NFIC: variants seen among roughly 807,000 people sequenced by gnomAD.
The protein encoded by NFIC is nuclear factor 1 C-type.
A neutral mutation model predicts 54.4 loss-of-function variants in NFIC; 12 were observed. That is an observed-to-expected ratio of 0.22 (90% CI 0.14 to 0.36). The LOEUF is 0.36. Among genes scored for constraint, NFIC ranks in the 10% least tolerant of loss-of-function variants. The probability of loss-of-function intolerance (pLI) is 1.00; values close to 1 mark genes in which losing one functional copy is unlikely to be tolerated. For synonymous variants in NFIC, 322 were observed against 319.2 expected, an observed-to-expected ratio of 1.01 and a Z score of -0.09; for missense variants, 575 against 718.2, an observed-to-expected ratio of 0.80 and a Z score of 2.28.
At chr19:3,394,523 A>T (rs57097974) in intron 2 of NFIC, among the ~76,000 whole-genome samples, 2 of 51,140 alleles carry the variant, frequency 3.9e-5, no homozygotes, top group African/African-American at 2.6e-4. Flanking sequence ...TTCCCCACCC[A>T]CCCCCCACCC....
chr19:3,455,892 C>G (rs1242685682), intron 9 of NFIC, among the ~76,000 whole-genome samples: 2 of 152,154 alleles, frequency 1.3e-5, no homozygotes, highest in Non-Finnish European at 2.9e-5. Flanking sequence ...CAAATCTACT[C>G]CTACTTCTCC....
chr19:3,434,787 G>A (rs1212062377), intron 5 of NFIC, among the ~76,000 whole-genome samples: 1 of 152,196 alleles, frequency 6.6e-6, no homozygotes, highest in African/African-American at 2.4e-5. Context: ...GAGGACTACA[G>A]GTGGCCAGGA....
intron 6 of NFIC, among the ~76,000 whole-genome samples, chr19:3,438,688 C>T (rs1048422335): frequency 3.9e-5 from 6 of 152,102 alleles, no homozygotes; most frequent in African/African-American, 7.2e-5. Flanking sequence ...CCGCCCATCT[C>T]GGCCTCCCAA....
At chr19:3,428,644 C>A (rs1188001867) in intron 3 of NFIC, among the ~76,000 whole-genome samples, 3 of 152,032 alleles carry the variant, frequency 2.0e-5, no homozygotes, top group Non-Finnish European at 4.4e-5. Flanking sequence ...CTCCTGTGAT[C>A]CCCAGACGCC....
intron 6 of NFIC, among the ~76,000 whole-genome samples, chr19:3,438,355 G>T (rs1056490850): frequency 6.6e-6 from 1 of 151,866 alleles, no homozygotes; most frequent in African/African-American, 2.4e-5. Context: ...GGGAATGTCA[G>T]AGGAGGTCTG....
At position 3,463,775 on chromosome 19, in the gene NFIC, G is replaced by A. The variant is rs574834453; in HGVS notation, c.*1006G>A. 3 of 985,338 alleles carry A rather than the reference G, an allele frequency of 3.0e-6. No homozygotes were observed. The highest frequency in any genetic ancestry group is 1.7e-5 in the African/African-American group (1 of 57,216). The allele number at this position is 985,338 out of a possible 1,614,324, so 61.0% of individuals were successfully genotyped here. ...GACACCCAGAGCTCCCCGAGTTGGG[G>A]GTGCCCGTCTGGAGCGCCCCCGTCA... On this transcript the variant is annotated 3_prime_UTR_variant, in exon 11 of 11. Coordinates refer to ENST00000443272, the MANE Select transcript of NFIC (RefSeq NM_001245002.2).
chr19:3,391,626 G>A (rs951714777), intron 2 of NFIC, among the ~76,000 whole-genome samples: 17 of 151,878 alleles, frequency 1.1e-4, no homozygotes, highest in African/African-American at 2.7e-4. Context: ...GCAAAACCCC[G>A]TCTCTACTAA....
chr19:3,418,857 A>G lies in NFIC; in HGVS notation c.563-6249A>G, dbSNP rs560023729. ...ACACGGCAAGATTCCATCTAAATAA[A>G]TAAATACATAAATACATAAGATGAG... On this transcript the variant is annotated intron_variant, in intron 2 of 10. Coordinates refer to ENST00000443272, the MANE Select transcript of NFIC (RefSeq NM_001245002.2). 9.4e-4 allele frequency among the ~76,000 whole-genome samples: 143 copies of G among 152,232 alleles called. 1 individual carries two copies. The highest frequency in any genetic ancestry group is 3.4e-3 in the African/African-American group (140 of 41,540).
At position 3,463,721 on chromosome 19, in the gene NFIC, C is replaced by T. The variant is rs2082675805; in HGVS notation, c.*952C>T. ...CATTGCACACACTGTAAGAAATGCA[C>T]TTTCCGAGGAAGGGGATGGGGGAGC... On this transcript the variant is annotated 3_prime_UTR_variant, in exon 11 of 11. Coordinates refer to ENST00000443272, the MANE Select transcript of NFIC (RefSeq NM_001245002.2). 2 of 983,956 alleles carry T rather than the reference C, an allele frequency of 2.0e-6. No homozygotes were observed. Among genetic ancestry groups the T allele is most frequent in the Non-Finnish European group, 2.4e-6 (2 of 829,706 alleles). The allele number at this position is 983,956 out of a possible 1,614,324, so 61.0% of individuals were successfully genotyped here. A position where few individuals can be genotyped will look rare whatever the true frequency, so the allele number is the denominator to read the frequency against.
intron 2 of NFIC, among the ~76,000 whole-genome samples, chr19:3,388,236 TG>T (rs2081328439): frequency 6.6e-6 from 1 of 151,934 alleles, no homozygotes; most frequent in Non-Finnish European, 1.5e-5. Flanking sequence ...AGGAGAAACA[TG>T]GGAGGGGGAG....
intron 3 of NFIC, among the ~76,000 whole-genome samples, chr19:3,429,896 G>A (rs767324299): frequency 5.9e-5 from 9 of 152,182 alleles, no homozygotes; most frequent in African/African-American, 1.7e-4. Flanking sequence ...CATCCCCATC[G>A]GAGAAGCCAA....
At chr19:3,385,893 G>A (rs1312755682) in intron 2 of NFIC, among the ~76,000 whole-genome samples, 1 of 151,344 alleles carries the variant, frequency 6.6e-6, no homozygotes, top group African/African-American at 2.4e-5. Flanking sequence ...TTTTTGCAGA[G>A]ATGGGGTATC....
At chr19:3,448,725 A>T (rs1245529287) in intron 6 of NFIC, among the ~76,000 whole-genome samples, 4 of 151,844 alleles carry the variant, frequency 2.6e-5, no homozygotes, top group Non-Finnish European at 5.9e-5. Context: ...GAGCCTTCCC[A>T]TTTCTCTGGA....
At chr19:3,418,175 T>C (rs1406499635) in intron 2 of NFIC, among the ~76,000 whole-genome samples, 6 of 150,742 alleles carry the variant, frequency 4.0e-5, no homozygotes, top group Non-Finnish European at 7.4e-5. Flanking sequence ...CATAACTCAC[T>C]GCAACCTCCA....
At chr19:3,456,218 C>CG (rs1418060437) in intron 9 of NFIC, among the ~76,000 whole-genome samples, 1 of 152,246 alleles carries the variant, frequency 6.6e-6, no homozygotes, top group African/African-American at 2.4e-5. Context: ...CAGGACCGGG[C>CG]GGGCGCTGCC....
chr19:3,467,853 T>C lies in NFIC; in HGVS notation c.*5084T>C, dbSNP rs1043115343. ...GGCTACCTTGTATCTTGGTCTGGAT[T>C]CTCTCTCTGAGACCCCGGATTTTAC... On this transcript the variant is annotated 3_prime_UTR_variant, in exon 11 of 11. Coordinates refer to ENST00000443272, the MANE Select transcript of NFIC (RefSeq NM_001245002.2). 3 of 148,940 alleles carry C rather than the reference T, an allele frequency of 2.0e-5. No individual in the cohort carries two copies. In the East Asian group the frequency reaches 6.0e-4, roughly 30 times the overall value. The allele number at this position is 148,940 out of a possible 1,614,324, so 9.2% of individuals were successfully genotyped here.
At chr19:3,401,028 A>T (rs558613483) in intron 2 of NFIC, among the ~76,000 whole-genome samples, 1 of 152,326 alleles carries the variant, frequency 6.6e-6, no homozygotes, top group East Asian at 1.9e-4. Context: ...AGTTATATGA[A>T]GAACTGGGGG....
intron 3 of NFIC, among the ~76,000 whole-genome samples, chr19:3,431,422 G>T (rs1395978221): frequency 7.6e-6 from 1 of 130,978 alleles, no homozygotes; most frequent in Non-Finnish European, 1.5e-5. Flanking sequence ...AGGCTGGAGT[G>T]CAGTGGTGCA....
At chr19:3,389,813 T>G (rs922290152) in intron 2 of NFIC, among the ~76,000 whole-genome samples, 1 of 151,928 alleles carries the variant, frequency 6.6e-6, no homozygotes, top group Non-Finnish European at 1.5e-5. Context: ...AGAAACCCCA[T>G]CTCTACTAAA....
Sources: gnomAD v4.1 joint callset for allele counts (sites outside exome capture counted in the v4.1 genomes callset) on GRCh38, gnomAD v4.1.1 for gene constraint, MANE v1.5 for transcripts, NCBI Gene and HGNC (gene_info 2026-07-23, HGNC 2026-07-21) for gene names.